Variants in ACYP2 observed in about 807,000 individuals in gnomAD.
ACYP2 encodes acylphosphatase-2.
Under a neutral mutation model 11.2 loss-of-function variants are expected in ACYP2, and 12 were observed. That is an observed-to-expected ratio of 1.08 (90% CI 0.69 to 1.74). The LOEUF is 1.74. ACYP2 is among the 40% of genes most tolerant of loss of function. The probability of loss-of-function intolerance (pLI) is 0.00; values close to 1 mark genes in which losing one functional copy is unlikely to be tolerated. For synonymous variants in ACYP2, 43 were observed against 32.2 expected (o/e 1.33, Z -1.13); for missense variants, 134 against 101.9 (o/e 1.31, Z -1.35).
chr2:54,023,242 TTTA>T (rs1480095634), intron 2 of ACYP2, among the ~76,000 whole-genome samples: 1 of 152,254 alleles, frequency 6.6e-6, no homozygotes, highest in African/African-American at 2.4e-5. Context: ...GACCATATAT[TTTA>T]TTATTCTTGA....
At chr2:54,158,531 C>G (rs940303900) in intron 6 of ACYP2, among the ~76,000 whole-genome samples, 2 of 152,076 alleles carry the variant, frequency 1.3e-5, no homozygotes, top group African/African-American at 4.8e-5. Context: ...TATCACCATG[C>G]ACCAGCAATT....
At chr2:54,249,756 C>T (rs142516938) in intron 6 of ACYP2, among the ~76,000 whole-genome samples, 200 of 151,938 alleles carry the variant, frequency 1.3e-3, no homozygotes, top group African/African-American at 4.5e-3. Context: ...GCTTGGGCAA[C>T]ACAGTGAGAC....
In ACYP2 at chr2:54,217,080, T is replaced by G. The variant is rs79869659; in HGVS notation, c.404+78332T>G. Among the ~76,000 whole-genome samples, 1,182 of 152,316 alleles carry G rather than the reference T, an allele frequency of 7.8e-3. 15 individuals are homozygous for G. Among genetic ancestry groups the G allele is most frequent in the African/African-American group, 0.027 (1,137 of 41,564 alleles). On this transcript the variant is annotated intron_variant, in intron 6 of 6. Coordinates refer to ENST00000607452, the MANE Select transcript of ACYP2 (RefSeq NM_001320586.2). ...TCCCGTAGAAACAGTAATTCCATTC[T>G]TTAGATCTCATTTTCCTTTCTTGAC... is the stretch of plus-strand genomic sequence containing the variant.
intron 6 of ACYP2, chr2:54,254,972 G>A: frequency 1.2e-6 from 2 of 1,613,958 alleles, no homozygotes; most frequent in Non-Finnish European, 1.7e-6. Context: ...TCCCTTACCA[G>A]GCGACGTCTA....
At chr2:54,251,068 T>C (rs1484933296) in intron 6 of ACYP2, among the ~76,000 whole-genome samples, 2 of 152,184 alleles carry the variant, frequency 1.3e-5, no homozygotes, top group African/African-American at 4.8e-5. Flanking sequence ...GGCTGGAAGA[T>C]AAAAAATGAA....
At chr2:54,085,191 CTG>C (rs1172968442) in intron 4 of ACYP2, 2 of 152,242 alleles carry the variant, frequency 1.3e-5, no homozygotes, top group African/African-American at 2.4e-5. Flanking sequence ...CTCCTCACGT[CTG>C]TGGGATTTTT....
At chr2:53,988,939 G>C (rs1198960656) in intron 2 of ACYP2, among the ~76,000 whole-genome samples, 1 of 151,992 alleles carries the variant, frequency 6.6e-6, no homozygotes, top group Non-Finnish European at 1.5e-5. Context: ...AGTAGAGACG[G>C]GTTTTTGCCA....
At chr2:54,212,849 A>G (rs537492867) in intron 6 of ACYP2, among the ~76,000 whole-genome samples, 1 of 152,318 alleles carries the variant, frequency 6.6e-6, no homozygotes, top group South Asian at 2.1e-4. Context: ...GTAAATTTAA[A>G]TCACCTGTAA....
chr2:54,252,710 C>G (rs1344015817), intron 6 of ACYP2, among the ~76,000 whole-genome samples: 2 of 152,088 alleles, frequency 1.3e-5, no homozygotes, highest in Admixed American at 6.5e-5. Context: ...TGAGTCCATC[C>G]TTGTTAACAC....
intron 4 of ACYP2, among the ~76,000 whole-genome samples, chr2:54,097,907 CCTTT>C (rs1678683175): frequency 6.9e-6 from 1 of 144,212 alleles, no homozygotes; most frequent in Non-Finnish European, 1.5e-5. Flanking sequence ...CTCCTTCCTT[CCTTT>C]CTTTCTTCTT....
intron 2 of ACYP2, among the ~76,000 whole-genome samples, chr2:54,016,952 C>G (rs1474124491): frequency 6.6e-6 from 1 of 152,042 alleles, no homozygotes; most frequent in Non-Finnish European, 1.5e-5. Context: ...GTCTCCATCT[C>G]CTGACCTCAT....
intron 2 of ACYP2, chr2:54,030,648 C>A: frequency 1.1e-5 from 2 of 188,156 alleles, no homozygotes; most frequent in Middle Eastern, 2.0e-3. Context: ...GAATATCTAC[C>A]CAGCGCCTCT....
intron 2 of ACYP2, among the ~76,000 whole-genome samples, chr2:53,996,025 A>G (rs914952351): frequency 2.0e-5 from 3 of 151,548 alleles, no homozygotes; most frequent in South Asian, 2.1e-4. Flanking sequence ...TCCCAGCTAC[A>G]TGGGAGGCTG....
intron 6 of ACYP2, among the ~76,000 whole-genome samples, chr2:54,219,905 A>ATATTT (rs1288814375): frequency 9.2e-5 from 7 of 75,984 alleles, no homozygotes; most frequent in African/African-American, 3.9e-4. Flanking sequence ...ATATATATAT[A>ATATTT]TTTTTTTTTT....
At chr2:53,976,721 C>T (rs753385946) in intron 2 of ACYP2, among the ~76,000 whole-genome samples, 9 of 152,168 alleles carry the variant, frequency 5.9e-5, no homozygotes, top group Non-Finnish European at 1.0e-4. Context: ...CTTCAAAAAT[C>T]ATTTTCATCC....
intron 2 of ACYP2, among the ~76,000 whole-genome samples, chr2:54,013,171 C>T (rs1573517767): frequency 7.6e-6 from 1 of 131,208 alleles, no homozygotes; most frequent in Admixed American, 7.8e-5. Flanking sequence ...CCCCCACCCC[C>T]CGCCCCAGCT....
chr2:54,224,922 A>G (rs1685946296), intron 6 of ACYP2, among the ~76,000 whole-genome samples: 1 of 152,238 alleles, frequency 6.6e-6, no homozygotes, highest in Admixed American at 6.5e-5. Context: ...GGGCAAAAAA[A>G]GTAGGCAGGA....
At chr2:54,239,375 A>T (rs983953107) in intron 6 of ACYP2, among the ~76,000 whole-genome samples, 10 of 152,218 alleles carry the variant, frequency 6.6e-5, no homozygotes, top group Non-Finnish European at 1.5e-4. Context: ...AGCTTCAAAC[A>T]AACTTAGCCA....
intron 2 of ACYP2, among the ~76,000 whole-genome samples, chr2:54,035,027 A>AAAAAAAAAAAAAAAT (rs1558484930): frequency 3.4e-5 from 5 of 147,630 alleles, no homozygotes; most frequent in African/African-American, 1.2e-4. Context: ...AAAAAAAAAA[A>AAAAAAAAAAAAAAAT]AAAAAGCCTA....
Sources: allele counts gnomAD v4.1 joint callset (sites outside exome capture counted in the v4.1 genomes callset), GRCh38; gene constraint gnomAD v4.1.1; transcripts MANE v1.5; gene names NCBI Gene and HGNC (gene_info 2026-07-23, HGNC 2026-07-21).